The following HMGCLL1 variants were observed in gnomAD, a reference collection of about 807,000 sequenced individuals.
HMGCLL1 encodes the protein 3-hydroxy-3-methylglutaryl-CoA lyase like 1.
In HMGCLL1, 36 loss-of-function variants were observed where a neutral mutation model predicts 39.1. The observed-to-expected ratio is 0.92, with a 90% confidence interval of 0.71 to 1.22. The LOEUF (loss-of-function observed/expected upper bound fraction) is 1.22. Among genes scored for constraint, HMGCLL1 ranks in the 50% most tolerant of loss-of-function variants. The pLI is 0.00. For missense variants in HMGCLL1, 451 were observed against 416.5 expected (o/e 1.08, Z -0.72); for synonymous variants, 149 against 144.0 (o/e 1.03, Z -0.25).
In HMGCLL1 at chr6:55,542,137, T is replaced by C; in HGVS notation, c.112A>G (p.Thr38Ala). 6.2e-7 allele frequency: 1 copy of C among 1,600,296 alleles called. No individual in the cohort carries two copies. Among genetic ancestry groups the C allele is most frequent in the Middle Eastern group, 1.7e-4 (1 of 6,022 alleles). Residue 38 changes from threonine to alanine, a missense_variant, in exon 2 of 9, where the codon ACA becomes GCA. By Grantham distance (58) the Thr-to-Ala change is moderately conservative. Coordinates refer to ENST00000274901, the MANE Select transcript of HMGCLL1 (RefSeq NM_001042406.2). ...VAGALDPAQETSQLSGLPEFV... is the reference protein window; with the variant it reads ...VAGALDPAQEASQLSGLPEFV... ...TCAGGGAGTCCAGATAACTGGGATG[T>C]TTCCTGAAATGCAAAATGTAAGAAC...
At chr6:55,522,469 T>C (rs941674182) in intron 3 of HMGCLL1, among the ~76,000 whole-genome samples, 1 of 151,970 alleles carries the variant, frequency 6.6e-6, no homozygotes, top group African/African-American at 2.4e-5. Flanking sequence ...ATGTGGGATG[T>C]TCAATAAAGT....
the HMGCLL1 span, among the ~76,000 whole-genome samples, chr6:55,642,374 A>G: frequency 6.6e-6 from 1 of 152,068 alleles, no homozygotes; most frequent in African/African-American, 2.4e-5. Context: ...AATCAGAATT[A>G]GAAAAAGATA....
intron 7 of HMGCLL1, among the ~76,000 whole-genome samples, chr6:55,472,268 A>AT (rs1765080862): frequency 6.6e-6 from 1 of 151,564 alleles, no homozygotes; most frequent in Admixed American, 6.6e-5. Context: ...TTCGTTCCAC[A>AT]TTTTTGCCAG....
the HMGCLL1 span, among the ~76,000 whole-genome samples, chr6:55,608,658 T>A: frequency 6.6e-6 from 1 of 152,190 alleles, no homozygotes; most frequent in African/African-American, 2.4e-5. Flanking sequence ...AAAGAACTAT[T>A]TTCCAGTCTC....
At chr6:55,523,234 T>C (rs1768127177) in intron 3 of HMGCLL1, among the ~76,000 whole-genome samples, 1 of 151,900 alleles carries the variant, frequency 6.6e-6, no homozygotes, top group Non-Finnish European at 1.5e-5. Flanking sequence ...TTATGCTTTG[T>C]AATAGTGTAC....
chr6:55,633,326 C>T, the HMGCLL1 span, among the ~76,000 whole-genome samples: 3 of 151,604 alleles, frequency 2.0e-5, no homozygotes, highest in African/African-American at 7.3e-5. Flanking sequence ...AAGGGGTAGT[C>T]AAATATGGTT....
At position 55,506,082 on chromosome 6, in the gene HMGCLL1, G is replaced by A. The variant is rs138942037; in HGVS notation, c.543-6783C>T. 5.3e-5 allele frequency among the ~76,000 whole-genome samples: 8 copies of A among 151,788 alleles called. No homozygotes were observed. The South Asian group carries it at 1.7e-3, about 31-fold the overall frequency. On this transcript the variant is annotated intron_variant, in intron 5 of 8. Coordinates refer to ENST00000274901, the MANE Select transcript of HMGCLL1 (RefSeq NM_001042406.2). ...ACCAAACTGTCTGTCCAACTTGAAG[G>A]CTGGGTCTTTCTACTACATCAGTTG...
chr6:55,618,193 C>T, the HMGCLL1 span, among the ~76,000 whole-genome samples: 2 of 151,912 alleles, frequency 1.3e-5, no homozygotes, highest in Non-Finnish European at 2.9e-5. Flanking sequence ...AAGAGACATA[C>T]TGGAAACGTC....
the HMGCLL1 span, among the ~76,000 whole-genome samples, chr6:55,625,995 G>T: frequency 6.6e-6 from 1 of 152,138 alleles, no homozygotes; most frequent in African/African-American, 2.4e-5. Context: ...TGCAGGGATG[G>T]AGGTTATGCA....
chr6:55,650,122 T>TACACACATATAC, the HMGCLL1 span, among the ~76,000 whole-genome samples: 1 of 78,652 alleles, frequency 1.3e-5, no homozygotes, highest in Admixed American at 1.4e-4. Context: ...TATATATATA[T>TACACACATATAC]ATATATATAT....
the HMGCLL1 span, among the ~76,000 whole-genome samples, chr6:55,605,543 G>T: frequency 1.3e-5 from 2 of 152,182 alleles, no homozygotes; most frequent in Admixed American, 1.3e-4. Context: ...CTGTTCAAAT[G>T]TGTCTGATAT....
the HMGCLL1 span, among the ~76,000 whole-genome samples, chr6:55,664,602 C>T: frequency 1.3e-5 from 2 of 151,640 alleles, no homozygotes; most frequent in Admixed American, 1.3e-4. Flanking sequence ...TACTTTGTAG[C>T]CAACTTTCTC....
chr6:55,505,956 C>A (rs1212900467), intron 5 of HMGCLL1, among the ~76,000 whole-genome samples: 7 of 151,686 alleles, frequency 4.6e-5, no homozygotes, highest in African/African-American at 1.7e-4. Context: ...ATTTTGTAAT[C>A]TCCACAATAA....
At chr6:55,563,187 A>T (rs563715574) in intron 1 of HMGCLL1, among the ~76,000 whole-genome samples, 40 of 152,284 alleles carry the variant, frequency 2.6e-4, no homozygotes, top group Middle Eastern at 3.4e-3. Flanking sequence ...ACTAAATTTT[A>T]TAAACACTCG....
At chr6:55,579,464 C>A (rs182205712), upstream of HMGCLL1, among the ~76,000 whole-genome samples, 7 of 152,182 alleles carry the variant, frequency 4.6e-5, no homozygotes, top group East Asian at 1.4e-3. Flanking sequence ...AAGGAAGGGG[C>A]GTGAGTGTTT....
At chr6:55,650,140 C>CAT in the HMGCLL1 span, among the ~76,000 whole-genome samples, 844 of 57,466 alleles carry the variant, frequency 0.015, 62 homozygotes, top group African/African-American at 0.052. Flanking sequence ...TATATACACA[C>CAT]ACACACACAT....
the HMGCLL1 span, among the ~76,000 whole-genome samples, chr6:55,604,050 G>T: frequency 1.3e-5 from 2 of 152,000 alleles, no homozygotes; most frequent in Non-Finnish European, 2.9e-5. Flanking sequence ...GGGGAGAAAG[G>T]TTATTCAAAA....
At chr6:55,584,667 C>T in the HMGCLL1 span, among the ~76,000 whole-genome samples, 6 of 151,994 alleles carry the variant, frequency 3.9e-5, no homozygotes, top group African/African-American at 1.4e-4. Context: ...AAACAGGTTG[C>T]TATCTTGTGA....
intron 5 of HMGCLL1, 133 bp from the exon 6 acceptor site, chr6:55,499,432 T>C (rs879452780): frequency 1.4e-5 from 8 of 588,280 alleles, no homozygotes; most frequent in Non-Finnish European, 2.3e-5. Flanking sequence ...TATTTTGTCA[T>C]TGGACCAAAC....
Sources: allele counts gnomAD v4.1 joint callset (sites outside exome capture counted in the v4.1 genomes callset), GRCh38; gene constraint gnomAD v4.1.1; transcripts MANE v1.5; gene names NCBI Gene and HGNC (gene_info 2026-07-23, HGNC 2026-07-21).